KATNA1: variants seen among roughly 807,000 people sequenced by gnomAD.
The protein encoded by KATNA1 is katanin catalytic subunit A1, also known as katanin p60 ATPase-containing subunit A1.
A neutral mutation model predicts 62.6 loss-of-function variants in KATNA1; 42 were observed. That is an observed-to-expected ratio of 0.67 (90% CI 0.52 to 0.87). The LOEUF is 0.87. KATNA1 is among the 40% of genes least tolerant of loss of function. KATNA1 has a pLI of 0.00. For synonymous variants in KATNA1, 186 were observed against 201.9 expected, an observed-to-expected ratio of 0.92 and a Z score of 0.67; for missense variants, 498 against 612.5, an observed-to-expected ratio of 0.81 and a Z score of 1.97.
intron 4 of KATNA1, among the ~76,000 whole-genome samples, chr6:149,608,194 C>T (rs1163413691): frequency 6.6e-6 from 1 of 152,148 alleles, no homozygotes; most frequent in Non-Finnish European, 1.5e-5. Context: ...ATGGAGCATA[C>T]TTTTCAGCAT....
intron 4 of KATNA1, among the ~76,000 whole-genome samples, chr6:149,612,777 T>G (rs1582770053): frequency 6.6e-6 from 1 of 152,216 alleles, no homozygotes; most frequent in Non-Finnish European, 1.5e-5. Flanking sequence ...TGAGAATTAT[T>G]CCAGGGACAT....
chr6:149,622,503 A>G (rs968252406), intron 4 of KATNA1, among the ~76,000 whole-genome samples: 1 of 152,180 alleles, frequency 6.6e-6, no homozygotes, highest in African/African-American at 2.4e-5. Context: ...AATAATTGGT[A>G]AAACTAGGTA....
intron 4 of KATNA1, among the ~76,000 whole-genome samples, chr6:149,606,263 G>A (rs1778738148): frequency 1.3e-5 from 2 of 152,212 alleles, no homozygotes; most frequent in Non-Finnish European, 2.9e-5. Flanking sequence ...AAATGGATAG[G>A]TATTTTTCAT....
In KATNA1 at chr6:149,633,897, G is replaced by A. The variant is rs191888339; in HGVS notation, c.163-981C>T. ...CTTGAACCTGGGAGGCGGAGGTTGC[G>A]GCAAGCCGGAGATCACACCATTGCA... On this transcript the variant is annotated intron_variant, in intron 2 of 10. Coordinates refer to ENST00000367411, the MANE Select transcript of KATNA1 (RefSeq NM_007044.4). 3.8e-3 allele frequency among the ~76,000 whole-genome samples: 572 copies of A among 151,238 alleles called. 3 individuals are homozygous for A. The highest frequency in any genetic ancestry group is 0.013 in the African/African-American group (529 of 41,188).
intron 4 of KATNA1, among the ~76,000 whole-genome samples, chr6:149,608,850 G>A (rs1778839980): frequency 6.6e-6 from 1 of 152,198 alleles, no homozygotes; most frequent in Admixed American, 6.5e-5. Flanking sequence ...TGCCGACAGA[G>A]GCTGGCTGGG....
chr6:149,644,504 C>T (rs1186963742), intron 1 of KATNA1, among the ~76,000 whole-genome samples: 1 of 151,998 alleles, frequency 6.6e-6, no homozygotes, highest in Non-Finnish European at 1.5e-5. Context: ...CACCTGTAGT[C>T]CCAGCTACCA....
Position 149,595,025 on chromosome 6 carries a change from C to A in KATNA1, c.*11G>T, listed in dbSNP as rs367852831. 1 of 1,590,760 alleles carries A rather than the reference C, an allele frequency of 6.3e-7. No homozygotes were observed. Among genetic ancestry groups the A allele is most frequent in the South Asian group, 1.1e-5 (1 of 90,592 alleles). ...CTTAAGGCACATTTCTCACAGTTTACATGTGAGAATTTAGCATGATCCAAA... is the reference window on the plus strand; with the variant it reads ...CTTAAGGCACATTTCTCACAGTTTAAATGTGAGAATTTAGCATGATCCAAA... On this transcript the variant is annotated 3_prime_UTR_variant, in exon 11 of 11. Transcript: ENST00000367411.
At chr6:149,604,590 T>G (rs111642493) in intron 5 of KATNA1, 71 bp downstream of exon 5, 12 of 1,519,430 alleles carry the variant, frequency 7.9e-6, no homozygotes, top group African/African-American at 5.5e-5. Context: ...CAGTACATGC[T>G]CACATTTGCT....
intron 2 of KATNA1, among the ~76,000 whole-genome samples, chr6:149,636,065 C>A (rs1018495048): frequency 6.6e-6 from 1 of 151,662 alleles, no homozygotes; most frequent in African/African-American, 2.4e-5. Flanking sequence ...CAAAAGAAAA[C>A]AAACCAGAAA....
At chr6:149,612,595 A>G (rs1779004083) in intron 4 of KATNA1, among the ~76,000 whole-genome samples, 1 of 152,216 alleles carries the variant, frequency 6.6e-6, no homozygotes, top group South Asian at 2.1e-4. Context: ...CATTTTATAA[A>G]AGGCTATATT....
At chr6:149,596,502 T>C (rs1778315963) in intron 10 of KATNA1, among the ~76,000 whole-genome samples, 1 of 152,094 alleles carries the variant, frequency 6.6e-6, no homozygotes, top group Non-Finnish European at 1.5e-5. Context: ...ACCACTGCAC[T>C]TCAGCCTGGG....
intron 4 of KATNA1, among the ~76,000 whole-genome samples, chr6:149,616,921 A>T (rs9766037): frequency 6.6e-6 from 1 of 151,996 alleles, no homozygotes; most frequent in Non-Finnish European, 1.5e-5. Context: ...GTACATCAAC[A>T]AATGAATGAT....
chr6:149,612,009 A>T (rs9766104), intron 4 of KATNA1, among the ~76,000 whole-genome samples: 4,076 of 152,106 alleles, frequency 0.027, 168 homozygotes, highest in African/African-American at 0.092. Flanking sequence ...CAAAAAATAA[A>T]AAAAGCATAA....
At chr6:149,622,009 A>AG (rs1211693027) in intron 4 of KATNA1, among the ~76,000 whole-genome samples, 1 of 152,174 alleles carries the variant, frequency 6.6e-6, no homozygotes, top group African/African-American at 2.4e-5. Context: ...CGGGGACAGA[A>AG]GGGGGGAAAT....
At chr6:149,618,982 T>C (rs1779291725) in intron 4 of KATNA1, among the ~76,000 whole-genome samples, 1 of 152,144 alleles carries the variant, frequency 6.6e-6, no homozygotes, top group Non-Finnish European at 1.5e-5. Context: ...CAAATGTGAT[T>C]ATATAAAACT....
At chr6:149,619,289 T>C (rs1441756578) in intron 4 of KATNA1, among the ~76,000 whole-genome samples, 1 of 151,966 alleles carries the variant, frequency 6.6e-6, no homozygotes, top group Non-Finnish European at 1.5e-5. Context: ...TGAGATACCA[T>C]CTTGCCCTAA....
intron 8 of KATNA1, 135 bp from the exon 9 acceptor site, chr6:149,597,776 T>G: frequency 2.7e-6 from 2 of 737,664 alleles, no homozygotes; most frequent in Non-Finnish European, 4.4e-6. Context: ...CCTTAAGACT[T>G]AGGTTAACTG....
intron 1 of KATNA1, among the ~76,000 whole-genome samples, chr6:149,641,900 C>A (rs1780305552): frequency 6.6e-6 from 1 of 152,190 alleles, no homozygotes; most frequent in South Asian, 2.1e-4. Flanking sequence ...TCTTTTTATT[C>A]TTTTATTTTT....
intron 4 of KATNA1, among the ~76,000 whole-genome samples, chr6:149,615,501 G>A (rs1161930870): frequency 6.6e-6 from 1 of 151,976 alleles, no homozygotes; most frequent in African/African-American, 2.4e-5. Context: ...ACCATCCCCG[G>A]CGAGTAATGT....
Sources: allele counts gnomAD v4.1 joint callset (sites outside exome capture counted in the v4.1 genomes callset), GRCh38; gene constraint gnomAD v4.1.1; transcripts MANE v1.5; gene names NCBI Gene and HGNC (gene_info 2026-07-23, HGNC 2026-07-21).